The following NTN1 variants were observed in gnomAD, a reference collection of about 807,000 sequenced individuals.
NTN1 encodes the protein netrin 1.
A neutral mutation model predicts 54.2 loss-of-function variants in NTN1; 11 were observed. That is an observed-to-expected ratio of 0.20 (90% CI 0.13 to 0.34). NTN1 has a LOEUF of 0.34. Ranked by LOEUF, NTN1 falls within the 10% of genes least tolerant of loss-of-function variation. NTN1 has a pLI of 1.00. For synonymous variants in NTN1, 371 were observed against 382.0 expected (o/e 0.97, Z 0.33); for missense variants, 740 against 893.1 (o/e 0.83, Z 2.18).
chr17:9,161,702 CGGGAGGCG>C (rs1567725087), intron 2 of NTN1, among the ~76,000 whole-genome samples: 1 of 152,060 alleles, frequency 6.6e-6, no homozygotes, highest in African/African-American at 2.4e-5. Flanking sequence ...CGCTTGAACC[CGGGAGGCG>C]GAGGTTGCAG....
At chr17:9,075,496 C>CA (rs2092046385) in intron 2 of NTN1, among the ~76,000 whole-genome samples, 4 of 151,912 alleles carry the variant, frequency 2.6e-5, no homozygotes, top group Admixed American at 2.6e-4. Flanking sequence ...AAAACAAAAA[C>CA]AAAACAAACA....
At chr17:9,058,385 T>C (rs116520735) in intron 2 of NTN1, among the ~76,000 whole-genome samples, 2 of 152,030 alleles carry the variant, frequency 1.3e-5, no homozygotes, top group Non-Finnish European at 2.9e-5. Context: ...GCCTTTCTTA[T>C]TGTCTCAGGT....
intron 2 of NTN1, among the ~76,000 whole-genome samples, chr17:9,146,446 C>T (rs905068658): frequency 1.3e-5 from 2 of 152,222 alleles, no homozygotes; most frequent in Non-Finnish European, 2.9e-5. Flanking sequence ...TGGGCACAGA[C>T]TTCCTGCCCA....
chr17:9,204,821 T>C (rs1230527669), intron 5 of NTN1, among the ~76,000 whole-genome samples: 1 of 152,116 alleles, frequency 6.6e-6, no homozygotes, highest in East Asian at 1.9e-4. Context: ...CTGGGCCCCA[T>C]TAGGGTGCTG....
intron 2 of NTN1, among the ~76,000 whole-genome samples, chr17:9,057,567 G>T (rs992755775): frequency 2.0e-5 from 3 of 151,872 alleles, no homozygotes; most frequent in African/African-American, 7.3e-5. Flanking sequence ...TGATTTCTCG[G>T]GTATTTTCCA....
intron 2 of NTN1, among the ~76,000 whole-genome samples, 159 bp from the exon 3 acceptor site, chr17:9,162,654 A>C (rs552590688): frequency 6.6e-6 from 1 of 152,354 alleles, no homozygotes; most frequent in East Asian, 1.9e-4. Context: ...GGGTACAAAC[A>C]GGAGGAGCCG....
chr17:9,043,091 A>T (rs891595583), intron 2 of NTN1, among the ~76,000 whole-genome samples: 18 of 151,860 alleles, frequency 1.2e-4, no homozygotes, highest in East Asian at 5.8e-4. Context: ...GTTTTTTTTT[A>T]AAAATCATTT....
chr17:9,044,999 G>T (rs1380297076), intron 2 of NTN1, among the ~76,000 whole-genome samples: 1 of 152,116 alleles, frequency 6.6e-6, no homozygotes, highest in Non-Finnish European at 1.5e-5. Context: ...TTATGACCCC[G>T]GCCTCGGACT....
In NTN1 at chr17:9,234,988, G is replaced by C. The variant is rs551673989; in HGVS notation, c.1487-4652G>C. 2.8e-4 allele frequency among the ~76,000 whole-genome samples: 37 copies of C among 131,152 alleles called. 1 individual carries two copies. Among genetic ancestry groups the C allele is most frequent in the African/African-American group, 1.0e-3 (36 of 35,034 alleles). The allele number at this position is 131,152 out of a possible 152,430, so 86.0% of individuals were successfully genotyped here. ...GGTTTTTTTTTTTTTTTGAGATGGAGTTTCGCTCCTGTTGCCCAGGCTGGA... is the reference window on the plus strand; with the variant it reads ...GGTTTTTTTTTTTTTTTGAGATGGACTTTCGCTCCTGTTGCCCAGGCTGGA... On this transcript the variant is annotated intron_variant, in intron 6 of 6. Coordinates refer to ENST00000173229, the MANE Select transcript of NTN1 (RefSeq NM_004822.3).
chr17:9,186,086 A>G (rs995856155), intron 5 of NTN1, among the ~76,000 whole-genome samples: 17 of 152,192 alleles, frequency 1.1e-4, no homozygotes, highest in African/African-American at 3.9e-4. Context: ...CCCACATCCC[A>G]GGCAGAGGCC....
rs373205886 is a variant in NTN1 at position 9,073,079 on chromosome 17, C to T, written c.1018+49688C>T. Among the ~76,000 whole-genome samples the T allele has an allele frequency of 1.2e-3, 179 of 152,338 alleles. 1 individual carries two copies. Among genetic ancestry groups the T allele is most frequent in the African/African-American group, 4.0e-3 (166 of 41,574 alleles). On this transcript the variant is annotated intron_variant, in intron 2 of 6. Coordinates refer to ENST00000173229, the MANE Select transcript of NTN1 (RefSeq NM_004822.3). ...GGGGACCGTCTGGCTGGTAGGCCAG[C>T]GAGGACGAGCGGATATTGAAAGCAG...
At chr17:9,151,617 A>T (rs548154165) in intron 2 of NTN1, among the ~76,000 whole-genome samples, 1 of 152,304 alleles carries the variant, frequency 6.6e-6, no homozygotes, top group African/African-American at 2.4e-5. Context: ...ATTGGACCCT[A>T]AAAACTAAAT....
At chr17:9,210,911 A>G (rs1905093218) in intron 5 of NTN1, among the ~76,000 whole-genome samples, 1 of 99,488 alleles carries the variant, frequency 1.0e-5, no homozygotes, top group South Asian at 3.1e-4. Context: ...ATCTGAAAAA[A>G]AAAAAAAAAA....
chr17:9,111,500 G>A (rs1324398297), intron 2 of NTN1, among the ~76,000 whole-genome samples: 1 of 152,078 alleles, frequency 6.6e-6, no homozygotes, highest in Non-Finnish European at 1.5e-5. Flanking sequence ...GTTCTTCTGG[G>A]AGGCACAGTT....
chr17:9,153,732 G>A (rs1383059586), intron 2 of NTN1, among the ~76,000 whole-genome samples: 5 of 152,310 alleles, frequency 3.3e-5, no homozygotes, highest in East Asian at 1.9e-4. Context: ...ATGAAGCAAC[G>A]AACGGGCAGT....
At chr17:9,056,245 C>T (rs982123056) in intron 2 of NTN1, among the ~76,000 whole-genome samples, 8 of 152,230 alleles carry the variant, frequency 5.3e-5, no homozygotes, top group Middle Eastern at 3.4e-3. Flanking sequence ...TTAGTAGGGA[C>T]GAGGTTTCAC....
chr17:9,154,539 C>G (rs1221828189), intron 2 of NTN1, among the ~76,000 whole-genome samples: 1 of 152,084 alleles, frequency 6.6e-6, no homozygotes. Flanking sequence ...CAAAAGGAGC[C>G]CTTTGAGAGG....
chr17:9,209,400 G>A (rs973273301), intron 5 of NTN1, among the ~76,000 whole-genome samples: 1 of 152,202 alleles, frequency 6.6e-6, no homozygotes, highest in East Asian at 1.9e-4. Context: ...AAGGAAAATC[G>A]ATATTGCAGG....
At chr17:9,102,363 G>T (rs554536057) in intron 2 of NTN1, among the ~76,000 whole-genome samples, 1 of 151,802 alleles carries the variant, frequency 6.6e-6, no homozygotes, top group Non-Finnish European at 1.5e-5. Context: ...AAGAATGAGT[G>T]CTTAGTGAAG....
Sources: gnomAD v4.1 joint callset for allele counts (sites outside exome capture counted in the v4.1 genomes callset) on GRCh38, gnomAD v4.1.1 for gene constraint, MANE v1.5 for transcripts, NCBI Gene and HGNC (gene_info 2026-07-23, HGNC 2026-07-21) for gene names.